The following MYO15A variants were observed in gnomAD, a reference collection of about 807,000 sequenced individuals.
MYO15A encodes unconventional myosin-XV.
In MYO15A, 308 loss-of-function variants were observed where a neutral mutation model predicts 394.6. The observed-to-expected ratio is 0.78, with a 90% CI of 0.71 to 0.86. MYO15A has a LOEUF of 0.86. MYO15A is among the 40% of genes least tolerant of loss of function. The probability of loss-of-function intolerance (pLI) is 0.00; values close to 1 mark genes in which losing one functional copy is unlikely to be tolerated. For missense variants in MYO15A, 4,606 were observed against 4,799.1 expected, an observed-to-expected ratio of 0.96 and a Z score of 1.19; for synonymous variants, 1,957 against 2,003.8, an observed-to-expected ratio of 0.98 and a Z score of 0.62.
In MYO15A at chr17:18,132,138, A is replaced by C. The variant is rs545337674; in HGVS notation, c.4207-315A>C. 1.8e-4 allele frequency among the ~76,000 whole-genome samples: 27 copies of C among 152,280 alleles called. No homozygotes were observed. The highest frequency in any genetic ancestry group is 6.3e-4 in the African/African-American group (26 of 41,560). Reference sequence around the variant, plus strand: ...AGCTCTGTGTGTGCACATGTGGGCTATGGACACACATGTATGCAGGTGTGT... The same window carrying C: ...AGCTCTGTGTGTGCACATGTGGGCTCTGGACACACATGTATGCAGGTGTGT... On this transcript the variant is annotated intron_variant, in intron 10 of 65. Transcript: ENST00000647165. The surrounding 1 kb of genome is among the most constrained non-coding windows in gnomAD (Gnocchi z 4.6).
chr17:18,131,086 T>C, intron 8 of MYO15A, 153 bp from the exon 9 acceptor site: 1 of 742,644 alleles, frequency 1.3e-6, no homozygotes, highest in South Asian at 1.8e-5. Flanking sequence ...TGGAGAGACC[T>C]CAGGATTCTC....
At position 18,132,450 on chromosome 17, in the gene MYO15A, C is replaced by T. The variant is rs771434501; in HGVS notation, c.4207-3C>T. 6.2e-7 allele frequency: 1 copy of T among 1,613,710 alleles called. No individual in the cohort carries two copies. The highest frequency in any genetic ancestry group is 1.1e-5 in the South Asian group (1 of 91,086). On this transcript the variant is annotated splice_polypyrimidine_tract_variant and splice_region_variant and intron_variant, in intron 10 of 65. Transcript: ENST00000647165. This position sits in a 1 kb window ranked among gnomAD's most constrained non-coding sequence, Gnocchi z 4.6. ...TCTCTGTGCCCACCTACCCACTCTACAGGCCAAAAACGAGAGGAATTACCA... is the reference window on the plus strand; with the variant it reads ...TCTCTGTGCCCACCTACCCACTCTATAGGCCAAAAACGAGAGGAATTACCA...
In MYO15A at chr17:18,120,683, T is replaced by G; in HGVS notation, c.1883T>G (p.Leu628Arg). The G allele has an allele frequency of 6.4e-7, 1 of 1,573,822 alleles. No individual in the cohort carries two copies. Among genetic ancestry groups the G allele is most frequent in the African/African-American group, 1.4e-5 (1 of 73,364 alleles). ...GAGAAGCCCGGCACGCCCATCGTGC[T>G]GAGGAGGGCCCAGCCACGCGCTCGC... ...DPEKPGTPIVLRRAQPRARSS... is the reference protein window; with the variant it reads ...DPEKPGTPIVRRRAQPRARSS... Residue 628 changes from leucine to arginine, a missense_variant, in exon 2 of 66, where the codon CTG (leucine) becomes CGG (arginine). Coordinates refer to ENST00000647165, the MANE Select transcript of MYO15A (RefSeq NM_016239.4).
At position 18,126,885 on chromosome 17, in the gene MYO15A, G is replaced by A. The variant is rs1396069541; in HGVS notation, c.3941+20G>A. On this transcript the variant is annotated intron_variant, in intron 6 of 65. Coordinates refer to ENST00000647165, the MANE Select transcript of MYO15A (RefSeq NM_016239.4). ...CATTAGGTGAGTGGGCTGCCTTTAT[G>A]TGGGGGATAAATGGGGGACCTTAGG... 5 of 1,613,792 alleles carry A rather than the reference G, an allele frequency of 3.1e-6. No individual in the cohort carries two copies. The African/African-American group carries it at 6.7e-5, about 22-fold the overall frequency.
rs190113920 is a variant in MYO15A, at chr17:18,122,856, A to G, written c.3609+447A>G. ...CCTGCCTCCTACTGACCCTCCCCCA[A>G]ATTAAAGCCTCCTGTTTCCTCAGGG... On this transcript the variant is annotated intron_variant, in intron 2 of 65. Transcript: ENST00000647165. The G allele has an allele frequency of 9.2e-4, 154 of 167,388 alleles. 1 individual carries two copies. The Middle Eastern group carries it at 9.3e-3, about 10-fold the overall frequency. The allele number at this position is 167,388 out of a possible 1,614,324, so 10.4% of individuals were successfully genotyped here. A position where few individuals can be genotyped will look rare whatever the true frequency, so the allele number is the denominator to read the frequency against.
intron 48 of MYO15A, among the ~76,000 whole-genome samples, chr17:18,156,637 C>T (rs1054630646): frequency 6.6e-6 from 1 of 152,250 alleles, no homozygotes; most frequent in South Asian, 2.1e-4. Context: ...TTTCCATCCC[C>T]TCTGCCCACT....
At position 18,148,272 on chromosome 17, in the gene MYO15A, G is replaced by A. The variant is rs541642737; in HGVS notation, c.6691+62G>A. 238 of 1,598,986 alleles carry A rather than the reference G, an allele frequency of 1.5e-4. No homozygotes were observed. Among genetic ancestry groups the A allele is most frequent in the African/African-American group, 1.5e-3 (111 of 74,650 alleles). The stretch of plus-strand genomic sequence containing the variant: ...GAGTCAGCAGGGCCCAGTGAGCCCC[G>A]GGGATGGCAGAAGCCACTGGATGTT... On this transcript the variant is annotated intron_variant, in intron 31 of 65. Coordinates refer to ENST00000647165, the MANE Select transcript of MYO15A (RefSeq NM_016239.4). This position sits in a 1 kb window ranked among gnomAD's most constrained non-coding sequence, Gnocchi z 4.8.
At chr17:18,158,160 G>T (rs1178683824) in intron 51 of MYO15A, 1 of 604,660 alleles carries the variant, frequency 1.7e-6, no homozygotes, top group African/African-American at 1.9e-5. Context: ...CAGGACAATG[G>T]GGTCAGACCA....
chr17:18,132,521 G>C lies in MYO15A; in HGVS notation c.4275G>C (p.Gln1425His). The C allele has an allele frequency of 6.2e-7, 1 of 1,613,640 alleles. No individual in the cohort carries two copies. Among genetic ancestry groups the C allele is most frequent in the Non-Finnish European group, 8.5e-7 (1 of 1,180,046 alleles). ...LLAGLPAQLR[Q>H]AFSLQEAETY... The stretch of plus-strand genomic sequence containing the variant: ...CCGGGTTGCCTGCCCAGCTCAGGCA[G>C]GCCTTTAGCCTGCAAGAGGCTGAGA... The change falls in exon 11 of 66, where the codon CAG becomes CAC. Residue 1425 changes from glutamine to histidine, a missense_variant. Gln to His is a conservative substitution (Grantham distance 24, BLOSUM62 0). Around this residue, in one of 2 missense-constraint regions of MYO15A, gnomAD observed 2,776 missense variants for 3,109.3 expected, o/e 0.89. Coordinates refer to ENST00000647165, the MANE Select transcript of MYO15A (RefSeq NM_016239.4). The surrounding 1 kb of genome is among the most constrained non-coding windows in gnomAD (Gnocchi z 4.6).
chr17:18,156,239 T>C lies in MYO15A; in HGVS notation c.8504T>C (p.Leu2835Pro). ...GTGACCATGCCCTCCCAGAACATGC[T>C]GGAGTTCAACCTGGCCAGTGAGAAG... ...LFVTMPSQNMLEFNLASEKVI... is the reference protein window; with the variant it reads ...LFVTMPSQNMPEFNLASEKVI... Residue 2835 changes from leucine to proline, a missense_variant, in exon 48 of 66, where the codon CTG (leucine) becomes CCG (proline). This residue lies in a region of MYO15A where 2,776 missense variants were observed against 3,109.3 expected (regional missense o/e 0.89). Transcript: ENST00000647165. 6.2e-7 allele frequency: 1 copy of C among 1,614,194 alleles called. No homozygotes were observed. Among genetic ancestry groups the C allele is most frequent in the South Asian group, 1.1e-5 (1 of 91,084 alleles).
At chr17:18,131,139 TG>T in intron 8 of MYO15A, 99 bp from the exon 9 acceptor site, 5 of 1,113,752 alleles carry the variant, frequency 4.5e-6, no homozygotes, top group Non-Finnish European at 6.7e-6. Flanking sequence ...GGGAGGTCCT[TG>T]GGAAGGCTCA....
chr17:18,139,732 A>T, intron 19 of MYO15A, 121 bp downstream of exon 19: 1 of 1,229,912 alleles, frequency 8.1e-7, no homozygotes, highest in Non-Finnish European at 1.2e-6. Context: ...CTTTGGCCAG[A>T]CAAAGACAAG....
At chr17:18,145,722 C>CTA (rs764109138) in intron 29 of MYO15A, 150 bp from the exon 30 acceptor site, 6 of 679,974 alleles carry the variant, frequency 8.8e-6, no homozygotes, top group Admixed American at 2.5e-5. Flanking sequence ...AAAAAATATT[C>CTA]TATATATATA....
Position 18,154,203 on chromosome 17 carries a change from C to G in MYO15A, c.8148+13C>G. ...CCTGTTCCGGCAGGTGAGGTCCTGT[C>G]TCCCCTTTCTGCCTCAGTGAACTCA... On this transcript the variant is annotated intron_variant, in intron 44 of 65. Transcript: ENST00000647165. 1.2e-6 allele frequency: 2 copies of G among 1,613,800 alleles called. No individual in the cohort carries two copies. Among genetic ancestry groups the G allele is most frequent in the Non-Finnish European group, 8.5e-7 (1 of 1,179,954 alleles).
chr17:18,113,797 GACACACACACAC>G lies in MYO15A; in HGVS notation c.-219-4752_-219-4741del, dbSNP rs4025536. Among the ~76,000 whole-genome samples, 209 of 138,918 alleles carry G rather than the reference GACACACACACAC, an allele frequency of 1.5e-3. 1 individual carries two copies. Among genetic ancestry groups the G allele is most frequent in the Non-Finnish European group, 1.3e-3 (88 of 66,232 alleles). The allele number at this position is 138,918 out of a possible 152,430, so 91.1% of individuals were successfully genotyped here. A position where few individuals can be genotyped will look rare whatever the true frequency, so the allele number is the denominator to read the frequency against. Reference sequence around the variant, plus strand: ...AACTTATATTCTTAGCACCTCCCCTGACACACACACACACACACACACACACACACACACACA... The same window carrying G: ...AACTTATATTCTTAGCACCTCCCCTGACACACACACACACACACACACACA... On this transcript the variant is annotated intron_variant, in intron 1 of 65. Coordinates refer to ENST00000647165, the MANE Select transcript of MYO15A (RefSeq NM_016239.4).
rs1436500835 is a variant in MYO15A, at chr17:18,147,115, C to A, written c.6510-914C>A. Among the ~76,000 whole-genome samples, 1 of 152,166 alleles carries A rather than the reference C, an allele frequency of 6.6e-6. No individual in the cohort carries two copies. The highest frequency in any genetic ancestry group is 1.5e-5 in the Non-Finnish European group (1 of 68,028). ...TTTGCAAGGAAATCGCTCAGGCAGG[C>A]CCTGGGTGTGAATCTCAGCTCTGAT... On this transcript the variant is annotated intron_variant, in intron 30 of 65. Coordinates refer to ENST00000647165, the MANE Select transcript of MYO15A (RefSeq NM_016239.4). This position sits in a 1 kb window ranked among gnomAD's most constrained non-coding sequence, Gnocchi z 4.4.
chr17:18,175,783 C>T (rs148471446), intron 65 of MYO15A, among the ~76,000 whole-genome samples: 207 of 152,292 alleles, frequency 1.4e-3, no homozygotes, highest in Non-Finnish European at 2.5e-3. Context: ...GCTTTCCTCC[C>T]GATCCTCCCA....
At chr17:18,129,162 C>T (rs1405030309) in intron 7 of MYO15A, among the ~76,000 whole-genome samples, 1 of 152,202 alleles carries the variant, frequency 6.6e-6, no homozygotes, top group Non-Finnish European at 1.5e-5. Context: ...TTCAGAGCTC[C>T]GTCTCACTGG....
rs1398856621 is a variant in MYO15A, at chr17:18,122,385, C to T, written c.3585C>T (p.Val1195=). ...CLSLRGSWEE[V]GPPSWRNKMH... ...CCCTTAGGGGCTCCTGGGAGGAGGT[C>T]GGCCCGCCAAGCTGGCGGAACAAGG... Residue 1195 remains valine (V), a synonymous_variant, in exon 2 of 66, where the codon GTC becomes GTT. Coordinates refer to ENST00000647165, the MANE Select transcript of MYO15A (RefSeq NM_016239.4). 8.1e-6 allele frequency: 13 copies of T among 1,612,482 alleles called. 1 individual carries two copies. Among genetic ancestry groups the T allele is most frequent in the Admixed American group, 5.0e-5 (3 of 59,964 alleles).
Sources: allele counts gnomAD v4.1 joint callset (sites outside exome capture counted in the v4.1 genomes callset), GRCh38; gene constraint gnomAD v4.1.1; regional missense constraint gnomAD v4.1.1; non-coding constraint Gnocchi (gnomAD v3.1); transcripts MANE v1.5; gene names NCBI Gene and HGNC (gene_info 2026-07-23, HGNC 2026-07-21).